The following CPNE8 variants were observed in gnomAD, a reference collection of about 807,000 sequenced individuals.
CPNE8 encodes copine-8.
Under a neutral mutation model 81.5 loss-of-function variants are expected in CPNE8, and 45 were observed. The ratio of observed to expected loss-of-function variants is 0.55; its 90% CI spans 0.44 to 0.71. The LOEUF (loss-of-function observed/expected upper bound fraction) is 0.71, where lower values mean the gene tolerates loss of function less well. CPNE8 is among the 30% of genes least tolerant of loss of function. The pLI, the probability that CPNE8 is intolerant of heterozygous loss-of-function variation, is 0.00. For missense variants in CPNE8, 594 were observed against 672.1 expected, an observed-to-expected ratio of 0.88 and a Z score of 1.28; for synonymous variants, 252 against 226.3, an observed-to-expected ratio of 1.11 and a Z score of -1.02.
chr12:38,667,915 C>T lies in CPNE8; in HGVS notation c.1506+2814G>A, dbSNP rs1414873269. Among the ~76,000 whole-genome samples, 3 of 152,084 alleles carry T rather than the reference C, an allele frequency of 2.0e-5. 1 individual carries two copies. Among genetic ancestry groups the T allele is most frequent in the South Asian group, 4.1e-4 (2 of 4,820 alleles). On this transcript the variant is annotated intron_variant, in intron 19 of 19. Coordinates refer to ENST00000331366, the MANE Select transcript of CPNE8 (RefSeq NM_153634.3). ...TGGGCTCAAGCAATTCTCTTGCCTC[C>T]GCCTCCTGAGTAGCTGAGATTACAG...
intron 6 of CPNE8, among the ~76,000 whole-genome samples, chr12:38,807,291 C>T (rs1362223211): frequency 4.8e-5 from 7 of 147,290 alleles, no homozygotes; most frequent in African/African-American, 1.7e-4. Flanking sequence ...CCCGCATCGC[C>T]AAGTCAATCC....
At chr12:38,836,541 GA>G (rs539943493) in intron 5 of CPNE8, among the ~76,000 whole-genome samples, 1,621 of 149,776 alleles carry the variant, frequency 0.011, 22 homozygotes, top group South Asian at 0.041. Flanking sequence ...AAAGAGAATG[GA>G]AAAAAAAAAT....
At chr12:38,895,540 A>C (rs1462905236) in intron 1 of CPNE8, among the ~76,000 whole-genome samples, 1 of 152,108 alleles carries the variant, frequency 6.6e-6, no homozygotes, top group Non-Finnish European at 1.5e-5. Context: ...GTAACTCAGC[A>C]TCAGAAAAAG....
At chr12:38,740,049 G>A (rs1181960879) in intron 10 of CPNE8, among the ~76,000 whole-genome samples, 1 of 152,002 alleles carries the variant, frequency 6.6e-6, no homozygotes, top group African/African-American at 2.4e-5. Flanking sequence ...TAAATATAAG[G>A]ATATTTTTCT....
At chr12:38,722,132 G>T (rs1940580200) in intron 13 of CPNE8, among the ~76,000 whole-genome samples, 1 of 152,176 alleles carries the variant, frequency 6.6e-6, no homozygotes, top group African/African-American at 2.4e-5. Flanking sequence ...GCACCCCAAA[G>T]ATCCTGTAAC....
chr12:38,702,192 C>T (rs1939964907), intron 14 of CPNE8, among the ~76,000 whole-genome samples: 1 of 152,114 alleles, frequency 6.6e-6, no homozygotes, highest in African/African-American at 2.4e-5. Flanking sequence ...GTAAAAGTTA[C>T]ATAATGAAGT....
At chr12:38,855,620 C>A (rs2137070430) in intron 3 of CPNE8, among the ~76,000 whole-genome samples, 1 of 152,170 alleles carries the variant, frequency 6.6e-6, no homozygotes, top group South Asian at 2.1e-4. Context: ...TACAAAATTT[C>A]AGTTAGACAG....
intron 19 of CPNE8, among the ~76,000 whole-genome samples, chr12:38,666,861 G>A (rs1939067100): frequency 6.6e-6 from 1 of 152,096 alleles, no homozygotes; most frequent in East Asian, 1.9e-4. Context: ...TGGACAAGAG[G>A]AATTGAGCTA....
At chr12:38,904,470 G>GTTTTTTTTTTTTTT (rs11343890) in intron 1 of CPNE8, among the ~76,000 whole-genome samples, 2 of 120,304 alleles carry the variant, frequency 1.7e-5, no homozygotes. Context: ...GTTTTTTTTT[G>GTTTTTTTTTTTTTT]TTTTTTTTTT....
intron 19 of CPNE8, among the ~76,000 whole-genome samples, chr12:38,658,830 T>G (rs558917078): frequency 7.9e-5 from 12 of 152,258 alleles, no homozygotes; most frequent in Admixed American, 5.2e-4. Context: ...AATAAAAACC[T>G]TTACAGGCAA....
chr12:38,849,469 A>G (rs1316718796), intron 3 of CPNE8, among the ~76,000 whole-genome samples: 1 of 152,224 alleles, frequency 6.6e-6, no homozygotes, highest in African/African-American at 2.4e-5. Flanking sequence ...TCTGAGCAAT[A>G]TTAGGCAATG....
chr12:38,849,128 C>T (rs1358768126), intron 3 of CPNE8, among the ~76,000 whole-genome samples: 1 of 152,112 alleles, frequency 6.6e-6, no homozygotes, highest in Non-Finnish European at 1.5e-5. Context: ...GGGGAGAATG[C>T]TCTGAAAATC....
At chr12:38,785,194 A>G (rs554059650) in intron 6 of CPNE8, among the ~76,000 whole-genome samples, 4 of 152,048 alleles carry the variant, frequency 2.6e-5, no homozygotes, top group Admixed American at 6.5e-5. Context: ...TCTCTGAAAA[A>G]AAAAAAAAAA....
Position 38,653,694 on chromosome 12 carries a change from TCATG to T in CPNE8, c.*184_*187del. 1 of 695,986 alleles carries T rather than the reference TCATG, an allele frequency of 1.4e-6. No individual in the cohort carries two copies. The allele number at this position is 695,986 out of a possible 1,614,324, so 43.1% of individuals were successfully genotyped here. Reference sequence around the variant, plus strand: ...GCATTTAAACAATTTTTTCTGTTGCTCATGCAACAACCATATTTACAGTTTTGGT... The same window carrying T: ...GCATTTAAACAATTTTTTCTGTTGCTCAACAACCATATTTACAGTTTTGGT... On this transcript the variant is annotated 3_prime_UTR_variant, in exon 20 of 20. Coordinates refer to ENST00000331366, the MANE Select transcript of CPNE8 (RefSeq NM_153634.3).
chr12:38,847,418 A>T (rs1237766174), intron 4 of CPNE8, among the ~76,000 whole-genome samples: 1 of 152,204 alleles, frequency 6.6e-6, no homozygotes, highest in Admixed American at 6.5e-5. Flanking sequence ...TACATGACTT[A>T]TATCTGTTTT....
chr12:38,682,166 G>C (rs560936715), intron 16 of CPNE8, among the ~76,000 whole-genome samples: 61 of 152,308 alleles, frequency 4.0e-4, no homozygotes, highest in Admixed American at 8.5e-4. Flanking sequence ...TTTGCAATGA[G>C]CTGACATCGC....
rs185915351 is a variant in CPNE8 at position 38,723,433 on chromosome 12, C to G, written c.914+339G>C. ...ACCTAGTATATACATTTAAATCAGG[C>G]CCTGAAGCTTTTCACCTATATTACA... is the stretch of plus-strand genomic sequence containing the variant. On this transcript the variant is annotated intron_variant, in intron 13 of 19. Coordinates refer to ENST00000331366, the MANE Select transcript of CPNE8 (RefSeq NM_153634.3). Among the ~76,000 whole-genome samples, 410 of 152,130 alleles carry G rather than the reference C, an allele frequency of 2.7e-3. 2 individuals are homozygous for G. Among genetic ancestry groups the G allele is most frequent in the Non-Finnish European group, 4.1e-3 (277 of 68,002 alleles).
chr12:38,782,831 C>T (rs953030798), intron 6 of CPNE8, among the ~76,000 whole-genome samples: 1 of 151,882 alleles, frequency 6.6e-6, no homozygotes, highest in Non-Finnish European at 1.5e-5. Context: ...CACATATGTG[C>T]CACCATGCTC....
At chr12:38,788,958 C>A (rs945024850) in intron 6 of CPNE8, among the ~76,000 whole-genome samples, 1 of 151,536 alleles carries the variant, frequency 6.6e-6, no homozygotes, top group African/African-American at 2.4e-5. Flanking sequence ...AAAGAGGACA[C>A]CAAAAAATGA....
Sources: allele counts gnomAD v4.1 joint callset (sites outside exome capture counted in the v4.1 genomes callset), GRCh38; gene constraint gnomAD v4.1.1; transcripts MANE v1.5; gene names NCBI Gene and HGNC (gene_info 2026-07-23, HGNC 2026-07-21).